Variants in MBD5 observed in about 807,000 individuals in gnomAD.
MBD5 encodes methyl-CpG-binding domain protein 5.
MBD5 carries 13 observed loss-of-function variants against 117.3 expected under a neutral mutation model. The observed-to-expected ratio is 0.11, with a 90% CI of 0.07 to 0.18. MBD5 has a LOEUF of 0.18. Ranked by LOEUF, MBD5 falls within the 10% of genes least tolerant of loss-of-function variation. MBD5 has a pLI of 1.00. For synonymous variants in MBD5, 727 were observed against 766.4 expected (o/e 0.95, Z 0.85); for missense variants, 1,879 against 2,093.8 (o/e 0.90, Z 2.00).
At chr2:148,187,385 AG>A (rs1450344581) in intron 2 of MBD5, among the ~76,000 whole-genome samples, 1 of 152,124 alleles carries the variant, frequency 6.6e-6, no homozygotes, top group Non-Finnish European at 1.5e-5. Flanking sequence ...GAGTTGCAGA[AG>A]GGGTGAGGGC....
At chr2:148,372,261 G>A (rs1023753458) in intron 4 of MBD5, among the ~76,000 whole-genome samples, 6 of 152,058 alleles carry the variant, frequency 3.9e-5, no homozygotes, top group Admixed American at 1.3e-4. Flanking sequence ...ACTAGGATAT[G>A]CTAAGTGTTA....
At chr2:148,245,532 G>A (rs1464932384) in intron 3 of MBD5, among the ~76,000 whole-genome samples, 2 of 152,140 alleles carry the variant, frequency 1.3e-5, no homozygotes, top group East Asian at 3.9e-4. Context: ...TGGATGCTGA[G>A]GCTGCAGTGA....
chr2:148,447,178 G>GAAA lies in MBD5; in HGVS notation c.-556-11025_-556-11024insAAA, dbSNP rs1706570293. ...AGGAAAGAAAGGAAGAAAGGAAGAA[G>GAAA]GAAAGAAAGAAAGAAAGAAAGAAAG... is the stretch of plus-strand genomic sequence containing the variant. On this transcript the variant is annotated intron_variant, in intron 4 of 13. Coordinates refer to ENST00000642680, the MANE Select transcript of MBD5 (RefSeq NM_001378120.1). Among the ~76,000 whole-genome samples, 24 of 137,650 alleles carry GAAA rather than the reference G, an allele frequency of 1.7e-4. 1 individual carries two copies. The highest frequency in any genetic ancestry group is 7.0e-4 in the African/African-American group (24 of 34,068). The allele number at this position is 137,650 out of a possible 152,430, so 90.3% of individuals were successfully genotyped here.
At chr2:148,145,063 A>G (rs1038727957) in intron 1 of MBD5, among the ~76,000 whole-genome samples, 2 of 152,148 alleles carry the variant, frequency 1.3e-5, no homozygotes, top group African/African-American at 4.8e-5. Context: ...CACAATATTT[A>G]TTATTCCTAT....
intron 4 of MBD5, among the ~76,000 whole-genome samples, chr2:148,364,494 G>C (rs1162021207): frequency 6.6e-6 from 1 of 152,136 alleles, no homozygotes; most frequent in Non-Finnish European, 1.5e-5. Flanking sequence ...ACACATAACA[G>C]TATTAACCTT....
chr2:148,047,781 A>G (rs1382070143), intron 1 of MBD5, among the ~76,000 whole-genome samples: 1 of 152,208 alleles, frequency 6.6e-6, no homozygotes, highest in East Asian at 1.9e-4. Context: ...GTCCAAAGTG[A>G]TACCTTAGCT....
chr2:148,182,450 T>C (rs938082691), intron 2 of MBD5, among the ~76,000 whole-genome samples: 4 of 152,208 alleles, frequency 2.6e-5, no homozygotes, highest in African/African-American at 9.6e-5. Context: ...AATATCTGAC[T>C]GGAGATTTTG....
intron 4 of MBD5, among the ~76,000 whole-genome samples, chr2:148,351,669 G>T (rs1703253332): frequency 6.6e-6 from 1 of 151,988 alleles, no homozygotes. Context: ...AACGTTGTAA[G>T]AATAGACAAA....
chr2:148,132,077 C>T (rs975657216), intron 1 of MBD5, among the ~76,000 whole-genome samples: 1 of 152,066 alleles, frequency 6.6e-6, no homozygotes, highest in Non-Finnish European at 1.5e-5. Flanking sequence ...AGTTTGTTTT[C>T]TCACTATTAA....
At chr2:148,314,265 A>G (rs971355991) in intron 3 of MBD5, among the ~76,000 whole-genome samples, 2 of 151,978 alleles carry the variant, frequency 1.3e-5, no homozygotes, top group African/African-American at 2.4e-5. Context: ...ATGTGGCAAA[A>G]GGAAATTTTT....
intron 11 of MBD5, among the ~76,000 whole-genome samples, chr2:148,499,384 T>C (rs1681804425): frequency 6.6e-6 from 1 of 152,210 alleles, no homozygotes; most frequent in Admixed American, 6.5e-5. Flanking sequence ...GGTAGCTTTA[T>C]GATTCTTAAA....
intron 2 of MBD5, among the ~76,000 whole-genome samples, chr2:148,181,812 A>G (rs1698540873): frequency 6.6e-6 from 1 of 152,082 alleles, no homozygotes; most frequent in East Asian, 1.9e-4. Flanking sequence ...CTTTAAGTAG[A>G]CATTCAGATT....
intron 3 of MBD5, among the ~76,000 whole-genome samples, chr2:148,237,864 G>T (rs1034248545): frequency 5.3e-5 from 8 of 152,040 alleles, no homozygotes; most frequent in Non-Finnish European, 1.2e-4. Context: ...AACCACAACC[G>T]TGCATTCTAC....
chr2:148,177,074 G>A (rs1698408840), intron 1 of MBD5, among the ~76,000 whole-genome samples: 1 of 152,124 alleles, frequency 6.6e-6, no homozygotes, highest in African/African-American at 2.4e-5. Flanking sequence ...CATGATTTTA[G>A]TATGTCTATA....
rs1701469422 is a variant in MBD5 at position 148,290,184 on chromosome 2, C to G, written c.-679-52030C>G. ...CGTTGGCCAGGCTGATCTCGAATGCCTGACCTCAGGTGACCTACCTGCCTC... is the reference window on the plus strand; with the variant it reads ...CGTTGGCCAGGCTGATCTCGAATGCGTGACCTCAGGTGACCTACCTGCCTC... On this transcript the variant is annotated intron_variant, in intron 3 of 13. Transcript: ENST00000642680. 3.4e-5 allele frequency among the ~76,000 whole-genome samples: 5 copies of G among 148,732 alleles called. 1 individual carries two copies. In the South Asian group the frequency reaches 1.1e-3, roughly 32 times the overall value.
chr2:148,219,266 A>G (rs1249591524), intron 2 of MBD5, among the ~76,000 whole-genome samples: 1 of 152,116 alleles, frequency 6.6e-6, no homozygotes, highest in South Asian at 2.1e-4. Context: ...ATCTTGTCTC[A>G]CTGGAAGGAT....
chr2:148,130,362 C>T (rs1697009051), intron 1 of MBD5, among the ~76,000 whole-genome samples: 1 of 152,204 alleles, frequency 6.6e-6, no homozygotes, highest in South Asian at 2.1e-4. Context: ...GAGTATCATT[C>T]TTTTATGGAA....
intron 2 of MBD5, among the ~76,000 whole-genome samples, chr2:148,188,924 G>A (rs1250437474): frequency 2.0e-5 from 3 of 151,828 alleles, no homozygotes; most frequent in African/African-American, 7.3e-5. Flanking sequence ...CCGAAGCAGG[G>A]CGAGACATTG....
chr2:148,060,748 T>A (rs1407710704), intron 1 of MBD5, among the ~76,000 whole-genome samples: 1 of 152,158 alleles, frequency 6.6e-6, no homozygotes, highest in African/African-American at 2.4e-5. Context: ...TTTTTGCCAT[T>A]TCTCCCTAAA....
Sources: gnomAD v4.1 joint callset for allele counts (sites outside exome capture counted in the v4.1 genomes callset) on GRCh38, gnomAD v4.1.1 for gene constraint, MANE v1.5 for transcripts, NCBI Gene and HGNC (gene_info 2026-07-23, HGNC 2026-07-21) for gene names.